TMEM230: variants seen among roughly 807,000 people sequenced by gnomAD.
The protein encoded by TMEM230 is UPF0414 transmembrane protein C20orf30.
In TMEM230, 10 loss-of-function variants were observed where a neutral mutation model predicts 15.8. The observed-to-expected ratio is 0.63, with a 90% CI of 0.39 to 1.07. TMEM230 has a LOEUF of 1.07. Among genes scored for constraint, TMEM230 ranks in the 50% least tolerant of loss-of-function variants. The probability of loss-of-function intolerance (pLI) is 0.01; values close to 1 mark genes in which losing one functional copy is unlikely to be tolerated. For synonymous variants in TMEM230, 67 were observed against 76.9 expected, an observed-to-expected ratio of 0.87 and a Z score of 0.68; for missense variants, 165 against 193.3, an observed-to-expected ratio of 0.85 and a Z score of 0.87.
rs561423947 is a variant in TMEM230 at position 5,100,526 on chromosome 20, C to A, written c.*265G>T. The A allele has an allele frequency of 2.5e-6, 3 of 1,177,056 alleles. No individual in the cohort carries two copies. In the South Asian group the frequency reaches 8.0e-5, roughly 31 times the overall value. 72.9% of individuals were successfully genotyped at this position (1,177,056 alleles called of 1,614,324 possible). The stretch of plus-strand genomic sequence containing the variant: ...GAGGGTGGTGGCAGGCAACACTTTT[C>A]CATTACAGAATAACCTCTATTCTTC... On this transcript the variant is annotated 3_prime_UTR_variant, in exon 5 of 5. Transcript: ENST00000342308.
chr20:5,090,335 TTCAGAACACTGAAGAC>T (rs1355908285), intron 3 of TMEM230, among the ~76,000 whole-genome samples: 1 of 152,124 alleles, frequency 6.6e-6, no homozygotes, highest in African/African-American at 2.4e-5. Flanking sequence ...ATTGTGAAAT[TTCAGAACACTGAAGAC>T]AATTCTACAA....
At chr20:5,060,525 C>T in the TMEM230 span, among the ~76,000 whole-genome samples, 1 of 151,682 alleles carries the variant, frequency 6.6e-6, no homozygotes, top group African/African-American at 2.4e-5. Flanking sequence ...TCAGTAGAGG[C>T]AGGATTTCAC....
intron 3 of TMEM230, among the ~76,000 whole-genome samples, chr20:5,093,533 G>A (rs542163243): frequency 9.8e-5 from 14 of 142,960 alleles, no homozygotes; most frequent in African/African-American, 3.2e-4. Context: ...GAGCCACTGC[G>A]CCTGATTTAT....
rs1224907849 is a variant in TMEM230 at position 5,100,771 on chromosome 20, C to T, written c.*20G>A. ...CTGGGACAGTTCCACTGTGACTCCT[C>T]CTCAGCTATGGGGTGGGTGCTAGTC... On this transcript the variant is annotated 3_prime_UTR_variant, in exon 5 of 5. Transcript: ENST00000342308. 3.9e-5 allele frequency: 63 copies of T among 1,612,272 alleles called. No individual in the cohort carries two copies. The highest frequency in any genetic ancestry group is 5.3e-5 in the Non-Finnish European group (62 of 1,179,774).
chr20:5,091,640 TGTTCA>T (rs2089509986), intron 3 of TMEM230, among the ~76,000 whole-genome samples: 1 of 152,248 alleles, frequency 6.6e-6, no homozygotes, highest in Non-Finnish European at 1.5e-5. Context: ...TTATTATATT[TGTTCA>T]GTTATTTCAA....
chr20:5,087,814 G>C (rs536395940), intron 3 of TMEM230, among the ~76,000 whole-genome samples: 1 of 148,062 alleles, frequency 6.8e-6, no homozygotes, highest in African/African-American at 2.5e-5. Flanking sequence ...AGAGGCATTC[G>C]GTGGAGTAGC....
intron 4 of TMEM230, among the ~76,000 whole-genome samples, chr20:5,103,244 T>C (rs1057243732): frequency 1.3e-5 from 2 of 152,008 alleles, no homozygotes; most frequent in African/African-American, 4.8e-5. Context: ...GGAGGATTGC[T>C]TGAGCCTAGG....
chr20:5,107,175 G>A (rs1173508846), intron 3 of TMEM230, among the ~76,000 whole-genome samples: 1 of 152,178 alleles, frequency 6.6e-6, no homozygotes, highest in East Asian at 1.9e-4. Flanking sequence ...GGTGGCATGT[G>A]CCTGCAGTCC....
chr20:5,103,525 T>C (rs1327272070), intron 4 of TMEM230, among the ~76,000 whole-genome samples: 1 of 150,432 alleles, frequency 6.6e-6, no homozygotes, highest in Non-Finnish European at 1.5e-5. Flanking sequence ...TAACCAAGTG[T>C]GGTGGCACAT....
intron 3 of TMEM230, 48 bp from the exon 3 acceptor site, chr20:5,106,358 A>G (rs1021561406): frequency 2.4e-5 from 38 of 1,554,174 alleles, no homozygotes; most frequent in Non-Finnish European, 3.2e-5. Flanking sequence ...CATTAATGCA[A>G]ATACCTGGGT....
chr20:5,112,365 T>C (rs2090360495), intron 1 of TMEM230, among the ~76,000 whole-genome samples: 1 of 152,242 alleles, frequency 6.6e-6, no homozygotes, highest in Admixed American at 6.5e-5. Flanking sequence ...TTTAATTCTA[T>C]AAAACAAAGT....
At chr20:5,060,656 T>C in the TMEM230 span, among the ~76,000 whole-genome samples, 2 of 152,080 alleles carry the variant, frequency 1.3e-5, no homozygotes, top group African/African-American at 4.8e-5. Context: ...GTCTTTTGTG[T>C]CTTGTCTTTC....
intron 4 of TMEM230, among the ~76,000 whole-genome samples, chr20:5,105,864 C>A (rs2090056059): frequency 6.6e-6 from 1 of 151,942 alleles, no homozygotes; most frequent in African/African-American, 2.4e-5. Context: ...CATAGTGAAA[C>A]CCTGTCTCTA....
At chr20:5,103,496 C>CA (rs1364581578) in intron 4 of TMEM230, among the ~76,000 whole-genome samples, 2 of 150,618 alleles carry the variant, frequency 1.3e-5, no homozygotes, top group Admixed American at 6.6e-5. Context: ...CTCATCTATA[C>CA]AAAAAATGAA....
intron 3 of TMEM230, among the ~76,000 whole-genome samples, chr20:5,076,409 C>T (rs570416344): frequency 9.9e-5 from 15 of 151,718 alleles, no homozygotes; most frequent in Admixed American, 3.9e-4. Flanking sequence ...GGCATGGTGG[C>T]GGGCGCCTGT....
At chr20:5,088,486 G>GT (rs940275280) in intron 3 of TMEM230, among the ~76,000 whole-genome samples, 2 of 151,914 alleles carry the variant, frequency 1.3e-5, no homozygotes, top group African/African-American at 2.4e-5. Flanking sequence ...CAATCAGGTG[G>GT]TTTTTTTAAT....
At chr20:5,107,780 C>T in intron 3 of TMEM230, among the ~76,000 whole-genome samples, 1 of 150,428 alleles carries the variant, frequency 6.6e-6, no homozygotes, top group East Asian at 2.0e-4. Context: ...TGCCACTGTA[C>T]CCAAGCCTGG....
downstream of TMEM230, among the ~76,000 whole-genome samples, chr20:5,099,214 A>G (rs1384836648): frequency 1.2e-5 from 1 of 86,178 alleles, no homozygotes; most frequent in Non-Finnish European, 2.2e-5. Context: ...AAATAAATAA[A>G]TAAATAAATA....
At chr20:5,066,597 G>A (rs1328505223), downstream of TMEM230, among the ~76,000 whole-genome samples, 10 of 151,276 alleles carry the variant, frequency 6.6e-5, no homozygotes, top group East Asian at 3.9e-4. Flanking sequence ...GCTTGAACCC[G>A]GGGGGCAGAG....
Sources: gnomAD v4.1 joint callset for allele counts (sites outside exome capture counted in the v4.1 genomes callset) on GRCh38, gnomAD v4.1.1 for gene constraint, MANE v1.5 for transcripts, NCBI Gene and HGNC (gene_info 2026-07-23, HGNC 2026-07-21) for gene names.